The following EML6 variants were observed in gnomAD, a reference collection of about 807,000 sequenced individuals.
EML6 encodes the protein echinoderm microtubule-associated protein-like 6.
Under a neutral mutation model 240.1 loss-of-function variants are expected in EML6, and 154 were observed. The observed-to-expected ratio is 0.64, with a 90% confidence interval of 0.56 to 0.73. The LOEUF is 0.73. Ranked by LOEUF, EML6 falls within the 30% of genes least tolerant of loss-of-function variation. The pLI is 0.00. For missense variants in EML6, 2,964 were observed against 2,474.6 expected, an observed-to-expected ratio of 1.20 and a Z score of -4.20; for synonymous variants, 1,148 against 899.0, an observed-to-expected ratio of 1.28 and a Z score of -4.95.
chr2:54,941,454 G>C (rs1424465618), intron 28 of EML6, among the ~76,000 whole-genome samples: 1 of 152,220 alleles, frequency 6.6e-6, no homozygotes, highest in African/African-American at 2.4e-5. Context: ...AGCGTAGCCG[G>C]ACAGAGGCCC....
At chr2:54,908,868 C>T (rs530211547) in intron 24 of EML6, among the ~76,000 whole-genome samples, 4 of 152,176 alleles carry the variant, frequency 2.6e-5, no homozygotes, top group Admixed American at 6.5e-5. Flanking sequence ...AACATCTGCC[C>T]GCAGAGTATA....
At chr2:54,835,236 A>G (rs951516939) in intron 7 of EML6, among the ~76,000 whole-genome samples, 11 of 152,194 alleles carry the variant, frequency 7.2e-5, no homozygotes, top group African/African-American at 2.4e-4. Context: ...TGTAACATAC[A>G]GTATAATTTC....
chr2:54,796,149 A>G (rs1246504818), intron 2 of EML6, among the ~76,000 whole-genome samples: 1 of 152,242 alleles, frequency 6.6e-6, no homozygotes, highest in Admixed American at 6.5e-5. Context: ...CTAATAGTAT[A>G]TAAGTAAAAT....
Position 54,950,687 on chromosome 2 carries a change from T to C in EML6, c.4121T>C (p.Phe1374Ser). 5 of 1,551,654 alleles carry C rather than the reference T, an allele frequency of 3.2e-6. No individual in the cohort carries two copies. The highest frequency in any genetic ancestry group is 4.4e-6 in the Non-Finnish European group (5 of 1,146,972). ...GACCACGTGTTTGGCTACAGAGGTTTCGACTGTCGAAATAACCTGCATTAC... is the reference window on the plus strand; with the variant it reads ...GACCACGTGTTTGGCTACAGAGGTTCCGACTGTCGAAATAACCTGCATTAC... ...ALDHVFGYRG[F>S]DCRNNLHYLN... The change falls in exon 30 of 42, where the codon TTC becomes TCC. Residue 1374 changes from phenylalanine to serine, a missense_variant. Physicochemically the swap from Phe to Ser is radical, Grantham distance 155. Coordinates refer to ENST00000356458, the MANE Select transcript of EML6 (RefSeq NM_001039753.4).
chr2:54,937,749 C>T (rs1316925759), intron 28 of EML6, among the ~76,000 whole-genome samples: 2 of 151,980 alleles, frequency 1.3e-5, no homozygotes, highest in African/African-American at 4.8e-5. Flanking sequence ...GGGTAGATGA[C>T]ATGTACACAG....
chr2:54,774,268 A>G lies in EML6; in HGVS notation c.198-38964A>G, dbSNP rs2116439. On this transcript the variant is annotated intron_variant, in intron 2 of 41. Transcript: ENST00000356458. The surrounding 1 kb of genome is among the most constrained non-coding windows in gnomAD (Gnocchi z 4.1). Reference sequence around the variant, plus strand: ...CAGCTTGCAAAATGTTTATTGGATCAGTAGTGATGGAAGGGAGGGCAGAGA... The same window carrying G: ...CAGCTTGCAAAATGTTTATTGGATCGGTAGTGATGGAAGGGAGGGCAGAGA... Among the ~76,000 whole-genome samples, 38,804 of 152,178 alleles carry G rather than the reference A, an allele frequency of 0.25. 5,885 individuals are homozygous for G. Among genetic ancestry groups the G allele is most frequent in the Middle Eastern group, 0.43 (126 of 294 alleles).
chr2:54,923,256 T>C (rs1410397520), intron 26 of EML6, among the ~76,000 whole-genome samples: 3 of 151,988 alleles, frequency 2.0e-5, no homozygotes, highest in East Asian at 1.9e-4. Flanking sequence ...GTATAAACTT[T>C]TAAGATAAAT....
intron 32 of EML6, among the ~76,000 whole-genome samples, chr2:54,956,010 T>C (rs560483639): frequency 8.0e-6 from 1 of 124,696 alleles, no homozygotes; most frequent in African/African-American, 2.6e-5. Context: ...GAGGATTGTT[T>C]TGGGGAACGT....
At chr2:54,875,453 G>C (rs1052820676) in intron 16 of EML6, among the ~76,000 whole-genome samples, 1 of 152,172 alleles carries the variant, frequency 6.6e-6, no homozygotes, top group Non-Finnish European at 1.5e-5. Flanking sequence ...CCATCTCTTA[G>C]GAGTTAGCTC....
In EML6 at chr2:54,959,245, G is replaced by A. The variant is rs1469837191; in HGVS notation, c.4837G>A (p.Gly1613Ser). 40 of 1,538,758 alleles carry A rather than the reference G, an allele frequency of 2.6e-5. No individual in the cohort carries two copies. The highest frequency in any genetic ancestry group is 5.0e-5 in the East Asian group (2 of 40,322). The change falls in exon 34 of 42, where the codon GGC (glycine) becomes AGC (serine). Residue 1613 changes from glycine to serine, a missense_variant. By Grantham distance (56) the Gly-to-Ser change is moderately conservative (BLOSUM62 0). Transcript: ENST00000356458. The stretch of plus-strand genomic sequence containing the variant: ...CCTTCGGGATGGACTCATAGTGACC[G>A]GCGGAAAAGAGAGGCCGTAAGCCAA... ...TTLRDGLIVT[G>S]GKERPTKEGG...
At chr2:54,864,725 G>T (rs543538769) in intron 13 of EML6, among the ~76,000 whole-genome samples, 1 of 152,224 alleles carries the variant, frequency 6.6e-6, no homozygotes, top group Non-Finnish European at 1.5e-5. Flanking sequence ...ACTTGCCCAT[G>T]TCCACGTTGC....
intron 2 of EML6, among the ~76,000 whole-genome samples, chr2:54,776,769 G>C (rs1169966747): frequency 6.6e-6 from 1 of 151,882 alleles, no homozygotes; most frequent in Non-Finnish European, 1.5e-5. Context: ...CTCAACCTTG[G>C]ATATTTTACA....
intron 5 of EML6, among the ~76,000 whole-genome samples, chr2:54,821,325 A>G (rs1460660142): frequency 6.6e-6 from 1 of 152,214 alleles, no homozygotes; most frequent in African/African-American, 2.4e-5. Context: ...AAATACTCAA[A>G]TAAGTATAAG....
intron 26 of EML6, among the ~76,000 whole-genome samples, chr2:54,920,325 A>G (rs1249586624): frequency 6.6e-6 from 1 of 152,194 alleles, no homozygotes; most frequent in African/African-American, 2.4e-5. Context: ...ATGAAAGATG[A>G]GACATTATAA....
At chr2:54,736,884 A>G (rs10194108) in intron 2 of EML6, among the ~76,000 whole-genome samples, 28,988 of 152,184 alleles carry the variant, frequency 0.19, 2,813 homozygotes, top group Middle Eastern at 0.23. Context: ...AAACAGACCA[A>G]TGCAAATTGA....
At chr2:54,745,689 G>T (rs1378292178) in intron 2 of EML6, among the ~76,000 whole-genome samples, 1 of 152,158 alleles carries the variant, frequency 6.6e-6, no homozygotes, top group African/African-American at 2.4e-5. Context: ...GCTGAGGAGA[G>T]AGTATTGCTT....
rs547088722 is a variant in EML6 at position 54,960,272 on chromosome 2, C to T, written c.4906C>T (p.Arg1636Trp). The T allele has an allele frequency of 1.6e-5, 25 of 1,551,574 alleles. No individual in the cohort carries two copies. The highest frequency in any genetic ancestry group is 3.9e-5 in the Admixed American group (2 of 51,010). The part of the protein sequence containing the change: ...KLWDQEMKRC[R>W]AFQLETGQLV... ...GTGGGACCAGGAGATGAAGCGCTGC[C>T]GGGCCTTTCAGCTGGAGACCGGGCA... is the stretch of plus-strand genomic sequence containing the variant. Residue 1636 changes from arginine to tryptophan, a missense_variant, in exon 35 of 42, where the codon CGG becomes TGG. Coordinates refer to ENST00000356458, the MANE Select transcript of EML6 (RefSeq NM_001039753.4).
intron 2 of EML6, among the ~76,000 whole-genome samples, chr2:54,800,700 A>C (rs954105816): frequency 6.6e-6 from 1 of 152,140 alleles, no homozygotes; most frequent in African/African-American, 2.4e-5. Flanking sequence ...GGGTAGATGG[A>C]TGAACCACCA....
Position 54,953,954 on chromosome 2 carries a change from A to G in EML6, c.4313-29A>G, listed in dbSNP as rs1263362468. On this transcript the variant is annotated intron_variant, in intron 31 of 41. Coordinates refer to ENST00000356458, the MANE Select transcript of EML6 (RefSeq NM_001039753.4). ...CTTGGCTCTGCCATTTGTCAGCCTT[A>G]CTTCTTTGTCATGCCTCTCCACACT... 2.6e-6 allele frequency: 4 copies of G among 1,526,152 alleles called. No individual in the cohort carries two copies. In the South Asian group the frequency reaches 4.9e-5, roughly 19 times the overall value. 94.5% of individuals were successfully genotyped at this position (1,526,152 alleles called of 1,614,324 possible). A position where few individuals can be genotyped will look rare whatever the true frequency, so the allele number is the denominator to read the frequency against.
Sources: gnomAD v4.1 joint callset for allele counts (sites outside exome capture counted in the v4.1 genomes callset) on GRCh38, gnomAD v4.1.1 for gene constraint, Gnocchi (gnomAD v3.1) non-coding constraint, MANE v1.5 for transcripts, NCBI Gene and HGNC (gene_info 2026-07-23, HGNC 2026-07-21) for gene names.